The following RHEB variants were observed in gnomAD, a reference collection of about 807,000 sequenced individuals.
RHEB encodes the protein Ras homolog, mTORC1 binding.
Under a neutral mutation model 28.8 loss-of-function variants are expected in RHEB, and 2 were observed. The ratio of observed to expected loss-of-function variants is 0.07; its 90% confidence interval spans 0.03 to 0.22. RHEB has a LOEUF of 0.22. Among genes scored for constraint, RHEB ranks in the 10% least tolerant of loss-of-function variants. The pLI, the probability that RHEB is intolerant of heterozygous loss-of-function variation, is 1.00. For synonymous variants in RHEB, 69 were observed against 77.3 expected, an observed-to-expected ratio of 0.89 and a Z score of 0.56; for missense variants, 76 against 219.9, an observed-to-expected ratio of 0.35 and a Z score of 4.14.
chr7:151,483,743 T>C (rs765896313), intron 3 of RHEB, among the ~76,000 whole-genome samples: 2 of 152,174 alleles, frequency 1.3e-5, no homozygotes, highest in Non-Finnish European at 2.9e-5. Flanking sequence ...AGTTAGGAGC[T>C]GAAATCCCAG....
At chr7:151,467,473 A>T (rs967919330) in intron 7 of RHEB, among the ~76,000 whole-genome samples, 2 of 151,586 alleles carry the variant, frequency 1.3e-5, no homozygotes, top group Non-Finnish European at 2.9e-5. Flanking sequence ...AAGAGTCCTC[A>T]CTCCCAGACT....
chr7:151,491,077 C>T (rs115306361), intron 1 of RHEB, 63 bp from the exon 2 acceptor site: 7 of 1,231,284 alleles, frequency 5.7e-6, no homozygotes, highest in Non-Finnish European at 7.0e-6. Context: ...TTTAATTTTG[C>T]TGTTTTATTA....
chr7:151,517,370 GAAA>G (rs761761069), intron 1 of RHEB, among the ~76,000 whole-genome samples: 4 of 61,602 alleles, frequency 6.5e-5, no homozygotes, highest in Admixed American at 3.6e-4. Flanking sequence ...CTCCGTCTCG[GAAA>G]AAAAAAAAAA....
chr7:151,470,525 G>T, intron 7 of RHEB, 46 bp downstream of exon 7: 2 of 1,319,348 alleles, frequency 1.5e-6, no homozygotes, highest in South Asian at 2.4e-5. Context: ...ACATCCCTGC[G>T]ACTGATGAGA....
At chr7:151,478,418 T>C (rs2150923412) in intron 3 of RHEB, among the ~76,000 whole-genome samples, 1 of 151,906 alleles carries the variant, frequency 6.6e-6, no homozygotes, top group African/African-American at 2.4e-5. Context: ...AAAATTAAGT[T>C]TTATTATAAA....
intron 1 of RHEB, among the ~76,000 whole-genome samples, chr7:151,505,056 C>CA (rs1361557219): frequency 7.9e-6 from 1 of 127,288 alleles, no homozygotes; most frequent in Non-Finnish European, 1.7e-5. Flanking sequence ...AAAAAAAACC[C>CA]AAAAAACAAA....
chr7:151,488,337 T>C (rs1321542346), intron 2 of RHEB, among the ~76,000 whole-genome samples: 3 of 152,210 alleles, frequency 2.0e-5, no homozygotes, highest in African/African-American at 7.2e-5. Context: ...ACCATGACAC[T>C]TCACTGAAAT....
chr7:151,502,649 C>T, intron 1 of RHEB: 6 of 1,604,362 alleles, frequency 3.7e-6, no homozygotes, highest in Admixed American at 1.7e-5. Flanking sequence ...GGTAGTGGTG[C>T]ACTTTTTGGC....
intron 1 of RHEB, 105 bp downstream of exon 1, chr7:151,519,355 G>GCGGAGGGCGCCCAGCTACCGCAGCTCCT: frequency 1.3e-6 from 1 of 798,368 alleles, no homozygotes; most frequent in Non-Finnish European, 1.6e-6. Flanking sequence ...CGCCCGCCCC[G>GCGGAGGGCGCCCAGCTACCGCAGCTCCT]CCACATGGCC....
chr7:151,486,747 A>G (rs1043949894), intron 2 of RHEB, among the ~76,000 whole-genome samples: 4 of 152,208 alleles, frequency 2.6e-5, no homozygotes, highest in African/African-American at 9.7e-5. Context: ...ACAGACTATC[A>G]CAATCTATAG....
At chr7:151,497,424 C>T (rs1212775938) in intron 1 of RHEB, among the ~76,000 whole-genome samples, 1 of 152,180 alleles carries the variant, frequency 6.6e-6, no homozygotes, top group African/African-American at 2.4e-5. Context: ...GTTTAGGAAC[C>T]ACTGCCCTCA....
chr7:151,479,473 G>T (rs1276245035), intron 3 of RHEB, among the ~76,000 whole-genome samples: 1 of 152,098 alleles, frequency 6.6e-6, no homozygotes, highest in Non-Finnish European at 1.5e-5. Flanking sequence ...ACAAGGTCAG[G>T]AGATTCATAT....
At chr7:151,502,193 G>T in intron 1 of RHEB, 2 of 449,814 alleles carry the variant, frequency 4.4e-6, no homozygotes, top group Non-Finnish European at 7.9e-6. Flanking sequence ...GCAAGATCAC[G>T]CCACTGTACT....
rs371312483 is a variant in RHEB, at chr7:151,490,926, T to G, written c.124+17A>C. The stretch of plus-strand genomic sequence containing the variant: ...AGAAGGCTTCTCAGTTTTTAAGTAC[T>G]TGAAAACAATACTTACTGTTTTCTA... On this transcript the variant is annotated intron_variant, in intron 2 of 7. Transcript: ENST00000262187. 3 of 1,594,060 alleles carry G rather than the reference T, an allele frequency of 1.9e-6. No individual in the cohort carries two copies. In the East Asian group the frequency reaches 6.7e-5, roughly 36 times the overall value.
intron 1 of RHEB, among the ~76,000 whole-genome samples, chr7:151,505,535 T>C (rs1802856188): frequency 6.6e-6 from 1 of 152,160 alleles, no homozygotes; most frequent in Admixed American, 6.5e-5. Context: ...CAACCAAAGC[T>C]CTCATGTGCT....
intron 1 of RHEB, among the ~76,000 whole-genome samples, chr7:151,512,682 C>A (rs1386868056): frequency 6.6e-6 from 1 of 152,320 alleles, no homozygotes; most frequent in African/African-American, 2.4e-5. Flanking sequence ...ACTGTGGGAA[C>A]CATATCGCTG....
intron 1 of RHEB, chr7:151,501,991 A>C: frequency 1.8e-6 from 1 of 568,290 alleles, no homozygotes. Context: ...TAATCCCAGC[A>C]CTTTGAGGCC....
At position 151,507,471 on chromosome 7, in the gene RHEB, CAT is replaced by C. The variant is rs201248717; in HGVS notation, c.52+11987_52+11988del. 6.0e-4 allele frequency among the ~76,000 whole-genome samples: 91 copies of C among 152,288 alleles called. No homozygotes were observed. The East Asian group carries it at 0.016, about 26-fold the overall frequency. On this transcript the variant is annotated intron_variant, in intron 1 of 7. Transcript: ENST00000262187. ...ATTCTAATTGGAATACCAATCCCCACATGTCCGTCATATAGAGTCAGATGAGA... is the reference window on the plus strand; with the variant it reads ...ATTCTAATTGGAATACCAATCCCCACGTCCGTCATATAGAGTCAGATGAGA...
chr7:151,506,257 G>A (rs541135956), intron 1 of RHEB, among the ~76,000 whole-genome samples: 47 of 150,638 alleles, frequency 3.1e-4, no homozygotes, highest in African/African-American at 1.1e-3. Context: ...CAGGATCATA[G>A]CTCACTGTAT....
Sources: allele counts gnomAD v4.1 joint callset (sites outside exome capture counted in the v4.1 genomes callset), GRCh38; gene constraint gnomAD v4.1.1; transcripts MANE v1.5; gene names NCBI Gene and HGNC (gene_info 2026-07-23, HGNC 2026-07-21).